The following EIF4ENIF1 variants were observed in gnomAD, a reference collection of about 807,000 sequenced individuals.
EIF4ENIF1 encodes eukaryotic translation initiation factor 4E transporter.
EIF4ENIF1 carries 23 observed loss-of-function variants against 110.5 expected under a neutral mutation model. That is an observed-to-expected ratio of 0.21 (90% confidence interval 0.15 to 0.29). EIF4ENIF1 has a LOEUF of 0.29. Among genes scored for constraint, EIF4ENIF1 ranks in the 10% least tolerant of loss-of-function variants. The pLI, the probability that EIF4ENIF1 is intolerant of heterozygous loss-of-function variation, is 1.00. For synonymous variants in EIF4ENIF1, 440 were observed against 437.0 expected, an observed-to-expected ratio of 1.01 and a Z score of -0.09; for missense variants, 1,031 against 1,221.1, an observed-to-expected ratio of 0.84 and a Z score of 2.32.
chr22:31,465,456 T>C (rs1245475617), intron 4 of EIF4ENIF1, among the ~76,000 whole-genome samples: 1 of 152,006 alleles, frequency 6.6e-6, no homozygotes, highest in Non-Finnish European at 1.5e-5. Context: ...ATTAGGGAAA[T>C]GCAAATTAAA....
At chr22:31,476,637 G>C (rs973806859) in intron 2 of EIF4ENIF1, among the ~76,000 whole-genome samples, 1 of 152,120 alleles carries the variant, frequency 6.6e-6, no homozygotes, top group African/African-American at 2.4e-5. Flanking sequence ...GCTCACACAT[G>C]TAATCACAGC....
Position 31,440,703 on chromosome 22 carries a change from C to T in EIF4ENIF1, c.2716+1G>A. The T allele has an allele frequency of 1.2e-6, 2 of 1,613,610 alleles. No individual in the cohort carries two copies. Among genetic ancestry groups the T allele is most frequent in the Non-Finnish European group, 1.7e-6 (2 of 1,179,732 alleles). On this transcript the variant is annotated splice_donor_variant, in intron 18 of 18. Coordinates refer to ENST00000330125, the MANE Select transcript of EIF4ENIF1 (RefSeq NM_019843.4). LOFTEE classifies it high-confidence loss of function. ...CTCACCTGTCACATTCCTGAACCTA[C>T]CTGAGCGCTGTAGCTGCTGTTGCAC...
chr22:31,471,787 T>C, intron 3 of EIF4ENIF1, 57 bp downstream of exon 3: 1 of 1,404,876 alleles, frequency 7.1e-7, no homozygotes, highest in Non-Finnish European at 9.8e-7. Context: ...TTACCAAGTT[T>C]GGTATAACAA....
chr22:31,473,482 G>C (rs75532586), intron 2 of EIF4ENIF1, among the ~76,000 whole-genome samples: 1 of 152,226 alleles, frequency 6.6e-6, no homozygotes, highest in East Asian at 1.9e-4. Flanking sequence ...TCTAGAATCA[G>C]ATATTTGATT....
intron 3 of EIF4ENIF1, 21 bp downstream of exon 3, chr22:31,471,823 G>T: frequency 6.3e-7 from 1 of 1,580,972 alleles, no homozygotes. Context: ...AAGTAGTTAA[G>T]GACTAGAATG....
At chr22:31,454,499 A>ACT (rs1333362109) in intron 9 of EIF4ENIF1, 123 bp from the exon 10 acceptor site, 1 of 781,648 alleles carries the variant, frequency 1.3e-6, no homozygotes, top group African/African-American at 1.7e-5. Context: ...GACTGTCAGA[A>ACT]AAGACTGACA....
At chr22:31,484,735 G>A (rs1427869620) in intron 2 of EIF4ENIF1, among the ~76,000 whole-genome samples, 1 of 152,210 alleles carries the variant, frequency 6.6e-6, no homozygotes, top group African/African-American at 2.4e-5. Context: ...TCAGGAAGGT[G>A]AAGCAGGAGA....
downstream of EIF4ENIF1, chr22:31,437,893 G>A (rs1160023265): frequency 6.6e-6 from 1 of 152,230 alleles, no homozygotes; most frequent in Non-Finnish European, 1.5e-5. Context: ...ATCACATGGA[G>A]TGAATAGCAT....
At chr22:31,471,464 G>A (rs183880815) in intron 3 of EIF4ENIF1, among the ~76,000 whole-genome samples, 5 of 152,206 alleles carry the variant, frequency 3.3e-5, no homozygotes, top group East Asian at 1.9e-4. Flanking sequence ...ACAGGCGCAC[G>A]CCACCACGCC....
intron 2 of EIF4ENIF1, among the ~76,000 whole-genome samples, chr22:31,486,764 C>T (rs2052044597): frequency 1.3e-5 from 2 of 151,834 alleles, no homozygotes; most frequent in South Asian, 4.2e-4. Flanking sequence ...GAGCGAGACT[C>T]CGTCTCAAAG....
intron 2 of EIF4ENIF1, 41 bp downstream of exon 2, chr22:31,488,582 C>T: frequency 6.2e-7 from 1 of 1,613,490 alleles, no homozygotes; most frequent in Non-Finnish European, 8.5e-7. Context: ...CTAACTTCGC[C>T]ACCTAAAAAG....
chr22:31,483,561 C>G (rs2051908055), intron 2 of EIF4ENIF1, among the ~76,000 whole-genome samples: 1 of 152,030 alleles, frequency 6.6e-6, no homozygotes, highest in African/African-American at 2.4e-5. Flanking sequence ...CCAGAATCCC[C>G]TGAAGAGCTT....
At chr22:31,472,782 G>A (rs2051428716) in intron 2 of EIF4ENIF1, among the ~76,000 whole-genome samples, 1 of 151,894 alleles carries the variant, frequency 6.6e-6, no homozygotes, top group South Asian at 2.1e-4. Context: ...GATATCTCGG[G>A]TGTCAATTAC....
intron 2 of EIF4ENIF1, among the ~76,000 whole-genome samples, chr22:31,484,130 T>G (rs1293088438): frequency 1.3e-5 from 2 of 152,174 alleles, no homozygotes; most frequent in Non-Finnish European, 2.9e-5. Context: ...GTATAGTCAG[T>G]GGACCAGCAG....
At chr22:31,438,323 C>CGTAA (rs2050203164), downstream of EIF4ENIF1, among the ~76,000 whole-genome samples, 1 of 152,076 alleles carries the variant, frequency 6.6e-6, no homozygotes, top group African/African-American at 2.4e-5. Flanking sequence ...AATCTTTATC[C>CGTAA]GTAAGTGCTA....
rs556310151 is a variant in EIF4ENIF1, at chr22:31,445,963, C to G, written c.1989-1273G>C. 8.0e-4 allele frequency among the ~76,000 whole-genome samples: 119 copies of G among 148,908 alleles called. 5 individuals are homozygous for G. The highest frequency in any genetic ancestry group is 2.6e-3 in the African/African-American group (103 of 40,344). ...ATGCAGTTACGTACCGCCCCCCCCC[C>G]CCATCTACCTCACAGGGTTGATATG... On this transcript the variant is annotated intron_variant, in intron 14 of 18. Transcript: ENST00000330125.
At position 31,452,609 on chromosome 22, in the gene EIF4ENIF1, A is replaced by G. The variant is rs1023124468; in HGVS notation, c.1512+1535T>C. Among the ~76,000 whole-genome samples, 3 of 152,200 alleles carry G rather than the reference A, an allele frequency of 2.0e-5. No homozygotes were observed. The East Asian group carries it at 5.8e-4, about 29-fold the overall frequency. ...TATTTTTAGTTGCTCACACCAAAAGAAAGAAGCTAATTATAAGATATGAAC... is the reference window on the plus strand; with the variant it reads ...TATTTTTAGTTGCTCACACCAAAAGGAAGAAGCTAATTATAAGATATGAAC... On this transcript the variant is annotated intron_variant, in intron 10 of 18. Coordinates refer to ENST00000330125, the MANE Select transcript of EIF4ENIF1 (RefSeq NM_019843.4).
At chr22:31,476,935 T>G (rs2051595378) in intron 2 of EIF4ENIF1, among the ~76,000 whole-genome samples, 1 of 149,160 alleles carries the variant, frequency 6.7e-6, no homozygotes, top group African/African-American at 2.5e-5. Flanking sequence ...GAGGCAGAGG[T>G]TGCAGTGAGC....
chr22:31,488,564 C>G (rs747980337), intron 2 of EIF4ENIF1, 59 bp downstream of exon 2: 125 of 1,605,738 alleles, frequency 7.8e-5, no homozygotes, highest in Non-Finnish European at 1.0e-4. Context: ...AATAGTTATA[C>G]AATGTTACTA....
Sources: allele counts gnomAD v4.1 joint callset (sites outside exome capture counted in the v4.1 genomes callset), GRCh38; gene constraint gnomAD v4.1.1; transcripts MANE v1.5; gene names NCBI Gene and HGNC (gene_info 2026-07-23, HGNC 2026-07-21).